The following GLCE variants were observed in gnomAD, a reference collection of about 807,000 sequenced individuals.
The protein encoded by GLCE is D-glucuronyl C5-epimerase.
A neutral mutation model predicts 47.9 loss-of-function variants in GLCE; 19 were observed. That is an observed-to-expected ratio of 0.40 (90% CI 0.28 to 0.58). The LOEUF is 0.58. GLCE is among the 20% of genes least tolerant of loss of function. GLCE has a pLI of 0.48. For missense variants in GLCE, 556 were observed against 743.3 expected, an observed-to-expected ratio of 0.75 and a Z score of 2.93; for synonymous variants, 245 against 263.4, an observed-to-expected ratio of 0.93 and a Z score of 0.68.
chr15:69,175,358 A>T (rs1045267128), intron 1 of GLCE, among the ~76,000 whole-genome samples: 1 of 152,176 alleles, frequency 6.6e-6, no homozygotes, highest in African/African-American at 2.4e-5. Context: ...AGCCCTCAGA[A>T]GTGGCAAATA....
At chr15:69,180,090 A>AT (rs2051730335) in intron 1 of GLCE, among the ~76,000 whole-genome samples, 1 of 152,216 alleles carries the variant, frequency 6.6e-6, no homozygotes, top group African/African-American at 2.4e-5. Flanking sequence ...CATGGAAATA[A>AT]TTAGTATAGT....
intron 1 of GLCE, among the ~76,000 whole-genome samples, chr15:69,166,227 T>G (rs2140323529): frequency 6.6e-6 from 1 of 152,344 alleles, no homozygotes; most frequent in South Asian, 2.1e-4. Context: ...TCAAAATAAA[T>G]CCTAAACATT....
At chr15:69,200,482 T>G (rs901568312) in intron 1 of GLCE, among the ~76,000 whole-genome samples, 2 of 152,180 alleles carry the variant, frequency 1.3e-5, no homozygotes, top group African/African-American at 4.8e-5. Flanking sequence ...CCAAACATTC[T>G]AACTAGAAAA....
chr15:69,177,667 T>TATCTTTACCTCATGCCCCTTTATC, intron 1 of GLCE, among the ~76,000 whole-genome samples: 1 of 145,336 alleles, frequency 6.9e-6, no homozygotes, highest in Non-Finnish European at 1.5e-5. Flanking sequence ...GCCCCTTTAT[T>TATCTTTACCTCATGCCCCTTTATC]ATCTTTACTT....
intron 2 of GLCE, among the ~76,000 whole-genome samples, chr15:69,249,032 G>A (rs2052797496): frequency 6.6e-6 from 1 of 152,170 alleles, no homozygotes; most frequent in African/African-American, 2.4e-5. Flanking sequence ...TAAATGCTAT[G>A]AAGAAAAATA....
intron 4 of GLCE, chr15:69,266,648 C>A: frequency 2.9e-6 from 1 of 350,198 alleles, no homozygotes; most frequent in Non-Finnish European, 4.0e-6. Context: ...CTCCTGGTGA[C>A]ACACTAAAGA....
At chr15:69,251,350 A>G (rs760554972) in intron 2 of GLCE, among the ~76,000 whole-genome samples, 5 of 152,164 alleles carry the variant, frequency 3.3e-5, no homozygotes, top group Non-Finnish European at 7.4e-5. Context: ...GGGTATGACT[A>G]TCTGATCTTT....
rs1287245223 is a variant in GLCE at position 69,240,947 on chromosome 15, C to T, written c.-13-14847C>T. ...AAAACTTTTCTGAGATGAAGGATGA[C>T]CTGAGCCTGCAATTCGAGCAGGCTT... On this transcript the variant is annotated intron_variant, in intron 2 of 4. Coordinates refer to ENST00000261858, the MANE Select transcript of GLCE (RefSeq NM_015554.3). Among the ~76,000 whole-genome samples the T allele has an allele frequency of 2.0e-5, 3 of 152,128 alleles. No homozygotes were observed. The East Asian group carries it at 5.8e-4, about 29-fold the overall frequency.
chr15:69,182,298 TGAGA>T (rs1032863178), intron 1 of GLCE, among the ~76,000 whole-genome samples: 11 of 145,704 alleles, frequency 7.5e-5, no homozygotes, highest in African/African-American at 1.8e-4. Context: ...TGTGTGTGTG[TGAGA>T]GAGAGAGAGA....
At chr15:69,254,194 C>T (rs117778959) in intron 2 of GLCE, among the ~76,000 whole-genome samples, 2,267 of 152,208 alleles carry the variant, frequency 0.015, 27 homozygotes, top group Non-Finnish European at 0.024. Flanking sequence ...CTGTGGCAAA[C>T]GGCAGTTAAA....
chr15:69,177,693 TCTTTACTTCATGCCGCTTTATC>T (rs2051689894), intron 1 of GLCE, among the ~76,000 whole-genome samples: 2 of 137,838 alleles, frequency 1.5e-5, no homozygotes, highest in Admixed American at 1.4e-4. Context: ...CCCTTTATCA[TCTTTACTTCATGCCGCTTTATC>T]ATCTTTACTT....
chr15:69,183,232 T>C (rs1255841755), intron 1 of GLCE, among the ~76,000 whole-genome samples: 1 of 152,030 alleles, frequency 6.6e-6, no homozygotes, highest in Non-Finnish European at 1.5e-5. Flanking sequence ...ATGAAAATAA[T>C]GATGGTGTAA....
intron 2 of GLCE, among the ~76,000 whole-genome samples, chr15:69,222,334 G>A (rs1418606882): frequency 6.6e-6 from 1 of 152,192 alleles, no homozygotes; most frequent in Non-Finnish European, 1.5e-5. Context: ...GGAGGCAGGG[G>A]TGGTGGAGGC....
At chr15:69,244,153 A>G (rs572207388) in intron 2 of GLCE, among the ~76,000 whole-genome samples, 3 of 152,182 alleles carry the variant, frequency 2.0e-5, no homozygotes, top group Non-Finnish European at 4.4e-5. Flanking sequence ...TTTGTAAGCT[A>G]TTGCTGGATT....
chr15:69,267,534 G>GC (rs1405341383), intron 4 of GLCE, among the ~76,000 whole-genome samples: 1 of 152,168 alleles, frequency 6.6e-6, no homozygotes, highest in Admixed American at 6.5e-5. Context: ...AGCACTTCTA[G>GC]CAAGTATGTG....
intron 2 of GLCE, among the ~76,000 whole-genome samples, chr15:69,232,901 G>A (rs2052544674): frequency 6.6e-6 from 1 of 152,138 alleles, no homozygotes; most frequent in African/African-American, 2.4e-5. Context: ...TTAGTCCAAT[G>A]TCATAGACTA....
In GLCE at chr15:69,256,193, A is replaced by G. The variant is rs188013301; in HGVS notation, c.387A>G (p.Pro129=). The stretch of plus-strand genomic sequence containing the variant: ...GAGAGGGGAACGAAGTCTTTCTTCC[A>G]TTCACTTGGGTTGAGAAATATTTTG... ...GRREGNEVFL[P]FTWVEKYFDV... Residue 129 remains proline (P), a synonymous_variant, in exon 3 of 5, where the codon CCA becomes CCG. Coordinates refer to ENST00000261858, the MANE Select transcript of GLCE (RefSeq NM_015554.3). The G allele has an allele frequency of 1.5e-5, 24 of 1,614,130 alleles. No homozygotes were observed. The East Asian group carries it at 4.0e-4, about 27-fold the overall frequency.
At position 69,205,769 on chromosome 15, in the gene GLCE, G is replaced by A. The variant is rs921056651; in HGVS notation, c.-104-4547G>A. On this transcript the variant is annotated intron_variant, in intron 1 of 4. Transcript: ENST00000261858. ...AGTGATGTTGCGCATTTTGTCGTAT[G>A]TTTTGTTATATTCTCTTTGGTGAAG... Among the ~76,000 whole-genome samples the A allele has an allele frequency of 2.2e-4, 33 of 152,134 alleles. 1 individual carries two copies. The highest frequency in any genetic ancestry group is 2.1e-3 in the East Asian group (11 of 5,178).
At chr15:69,200,808 G>T (rs1429476443) in intron 1 of GLCE, among the ~76,000 whole-genome samples, 3 of 152,120 alleles carry the variant, frequency 2.0e-5, no homozygotes, top group Non-Finnish European at 4.4e-5. Context: ...AGTTCTGTGA[G>T]TCAGTAGGCC....
Sources: allele counts gnomAD v4.1 joint callset (sites outside exome capture counted in the v4.1 genomes callset), GRCh38; gene constraint gnomAD v4.1.1; transcripts MANE v1.5; gene names NCBI Gene and HGNC (gene_info 2026-07-23, HGNC 2026-07-21).